Variants in MCAT observed in about 807,000 individuals in gnomAD.
The protein encoded by MCAT is malonyl-CoA-acyl carrier protein transacylase, mitochondrial.
A neutral mutation model predicts 22.9 loss-of-function variants in MCAT; 22 were observed. The observed-to-expected ratio is 0.96, with a 90% confidence interval of 0.69 to 1.37. MCAT has a LOEUF of 1.37. MCAT is among the 40% of genes most tolerant of loss of function. The probability of loss-of-function intolerance (pLI) is 0.00; values close to 1 mark genes in which losing one functional copy is unlikely to be tolerated. For synonymous variants in MCAT, 240 were observed against 233.9 expected (o/e 1.03, Z -0.24); for missense variants, 534 against 533.6 (o/e 1.00, Z -0.01).
chr22:43,132,970 G>C lies in MCAT; in HGVS notation c.*73C>G. ...CAGAGGAGGAGCCATTAGGAAGGTA[G>C]GGGGCGACAGGCACAGCCTACAGCC... is the stretch of plus-strand genomic sequence containing the variant. On this transcript the variant is annotated 3_prime_UTR_variant, in exon 4 of 4. Coordinates refer to ENST00000290429, the MANE Select transcript of MCAT (RefSeq NM_173467.5). 7.1e-7 allele frequency: 1 copy of C among 1,415,156 alleles called. No homozygotes were observed. Among genetic ancestry groups the C allele is most frequent in the Admixed American group, 2.1e-5 (1 of 48,046 alleles). 87.7% of individuals were successfully genotyped at this position (1,415,156 alleles called of 1,614,324 possible).
Position 43,132,906 on chromosome 22 carries a change from G to C in MCAT, c.*137C>G, listed in dbSNP as rs1031128095. ...ACTCATTTTTAGGGCTTTTTATGTG[G>C]CCTTCAAAGCACGTTGCAAACAAAT... On this transcript the variant is annotated 3_prime_UTR_variant, in exon 4 of 4. Coordinates refer to ENST00000290429, the MANE Select transcript of MCAT (RefSeq NM_173467.5). 2.4e-5 allele frequency: 17 copies of C among 719,344 alleles called. No individual in the cohort carries two copies. Among genetic ancestry groups the C allele is most frequent in the Non-Finnish European group, 3.7e-5 (16 of 431,868 alleles). 44.6% of individuals were successfully genotyped at this position (719,344 alleles called of 1,614,324 possible). A position where few individuals can be genotyped will look rare whatever the true frequency, so the allele number is the denominator to read the frequency against.
At chr22:43,136,227 C>G (rs144572715) in intron 3 of MCAT, among the ~76,000 whole-genome samples, 1 of 152,328 alleles carries the variant, frequency 6.6e-6, no homozygotes, top group Non-Finnish European at 1.5e-5. Context: ...CTAGGCAACA[C>G]AGTGAGACCC....
In MCAT at chr22:43,133,415, G is replaced by A. The variant is rs139431136; in HGVS notation, c.801C>T (p.Gly267=). 2.2e-5 allele frequency: 36 copies of A among 1,613,982 alleles called. No individual in the cohort carries two copies. Among genetic ancestry groups the A allele is most frequent in the Non-Finnish European group, 2.9e-5 (34 of 1,180,010 alleles). ...GCTCCATGAGGCGGGTGTGGAATGC[G>A]CCACTAACCGGCAACATCCTGGTGC... is the stretch of plus-strand genomic sequence containing the variant. The part of the protein sequence containing the change: ...FRRTRMLPVS[G]AFHTRLMEPA... Residue 267 remains glycine (G), a synonymous_variant, in exon 4 of 4, where the codon GGC becomes GGT. Transcript: ENST00000290429.
At chr22:43,139,213 C>A (rs1409277705) in intron 2 of MCAT, among the ~76,000 whole-genome samples, 1 of 152,136 alleles carries the variant, frequency 6.6e-6, no homozygotes, top group South Asian at 2.1e-4. Flanking sequence ...ACATTCAAAA[C>A]TATGTAAAAT....
Position 43,133,444 on chromosome 22 carries a change from T to A in MCAT, c.772A>T (p.Arg258Ter). 1 of 1,613,714 alleles carries A rather than the reference T, an allele frequency of 6.2e-7. No homozygotes were observed. The highest frequency in any genetic ancestry group is 2.2e-5 in the East Asian group (1 of 44,864). ...LQKNSSKFHF[R>*]RTRMLPVSGA... ...CTAACCGGCAACATCCTGGTGCGTC[T>A]GAAATGAAACTTAGAGGAATTCTTC... The change falls in exon 4 of 4, where the codon AGA becomes TGA. Residue 258 changes from arginine (R) to a stop codon, truncating the protein, a stop_gained. Coordinates refer to ENST00000290429, the MANE Select transcript of MCAT (RefSeq NM_173467.5). LOFTEE classifies it low-confidence loss of function (END_TRUNC).
chr22:43,142,350 G>A (rs1017381848), intron 1 of MCAT, among the ~76,000 whole-genome samples: 3 of 151,886 alleles, frequency 2.0e-5, no homozygotes, highest in Non-Finnish European at 4.4e-5. Context: ...AGCCGGGCGT[G>A]GTGGTGTGCA....
intron 1 of MCAT, among the ~76,000 whole-genome samples, chr22:43,142,129 G>A (rs1486982082): frequency 6.6e-6 from 1 of 152,186 alleles, no homozygotes; most frequent in East Asian, 1.9e-4. Flanking sequence ...AGGTGAAATA[G>A]GGTAAAGGAT....
chr22:43,142,380 C>T (rs1393143462), intron 1 of MCAT, among the ~76,000 whole-genome samples: 1 of 151,266 alleles, frequency 6.6e-6, no homozygotes, highest in Non-Finnish European at 1.5e-5. Context: ...CCAGCTACTG[C>T]GGAGGCTGAG....
At position 43,143,148 on chromosome 22, in the gene MCAT, G is replaced by C; in HGVS notation, c.201C>G (p.Phe67Leu). Residue 67 changes from phenylalanine (F) to leucine (L), a missense_variant, in exon 1 of 4, where the codon TTC (phenylalanine) becomes TTG (leucine). Phe to Leu is a conservative substitution (Grantham distance 22). Coordinates refer to ENST00000290429, the MANE Select transcript of MCAT (RefSeq NM_173467.5). Reference protein sequence around the residue: ...RMPGQCSVLLFPGQGSQVVGM... With the variant: ...RMPGQCSVLLLPGQGSQVVGM... ...CCACCACCTGGCTGCCCTGGCCCGGGAAGAGCAGCACGGAGCACTGGCCCG... is the reference window on the plus strand; with the variant it reads ...CCACCACCTGGCTGCCCTGGCCCGGCAAGAGCAGCACGGAGCACTGGCCCG... 1.3e-6 allele frequency: 2 copies of C among 1,590,858 alleles called. No individual in the cohort carries two copies. The highest frequency in any genetic ancestry group is 1.7e-6 in the Non-Finnish European group (2 of 1,174,156).
chr22:43,137,301 G>C lies in MCAT; in HGVS notation c.512-3C>G, dbSNP rs1264737182. The C allele has an allele frequency of 6.2e-7, 1 of 1,611,616 alleles. No individual in the cohort carries two copies. The highest frequency in any genetic ancestry group is 1.7e-5 in the Admixed American group (1 of 59,882). ...TCGGATTTTCACTGCATACAAACCT[G>C]GCCAGAGAGAAGCGCATTTGGAAAA... On this transcript the variant is annotated splice_polypyrimidine_tract_variant and splice_region_variant and intron_variant, in intron 2 of 3. Transcript: ENST00000290429.
rs753845710 is a variant in MCAT, at chr22:43,137,125, T to G, written c.685A>C (p.Asn229His). ...GIENPVCEVS[N>H]YLFPDCRVIS... ...ACCCTGCAATCTGGAAAGAGGTAGT[T>G]GGACACTTCACATACGGGGTTCTCT... is the stretch of plus-strand genomic sequence containing the variant. The change falls in exon 3 of 4, where the codon AAC (asparagine) becomes CAC (histidine). Residue 229 changes from asparagine (N) to histidine (H), a missense_variant. By Grantham distance (68) the Asn-to-His change is moderately conservative. Transcript: ENST00000290429. The G allele has an allele frequency of 1.5e-5, 24 of 1,614,036 alleles. No individual in the cohort carries two copies. The highest frequency in any genetic ancestry group is 2.0e-5 in the Non-Finnish European group (24 of 1,180,036).
intron 1 of MCAT, 46 bp from the exon 2 acceptor site, chr22:43,141,295 C>T: frequency 6.5e-7 from 1 of 1,533,532 alleles, no homozygotes. Flanking sequence ...TCCTGGGGAT[C>T]CCAGTTCCAG....
Position 43,143,373 on chromosome 22 carries a change from T to G in MCAT, c.-25A>C. On this transcript the variant is annotated 5_prime_UTR_variant, in exon 1 of 4. Coordinates refer to ENST00000290429, the MANE Select transcript of MCAT (RefSeq NM_173467.5). Reference sequence around the variant, plus strand: ...TGGTCGGACACCTGCCCGCGCGCGTTACCGTGGCGACCGAGGCCCGACTGC... The same window carrying G: ...TGGTCGGACACCTGCCCGCGCGCGTGACCGTGGCGACCGAGGCCCGACTGC... 1.5e-6 allele frequency: 2 copies of G among 1,341,768 alleles called. No homozygotes were observed. The highest frequency in any genetic ancestry group is 1.5e-5 in the African/African-American group (1 of 64,896). 83.1% of individuals were successfully genotyped at this position (1,341,768 alleles called of 1,614,324 possible).
chr22:43,138,481 A>C (rs1404426624), intron 2 of MCAT, among the ~76,000 whole-genome samples: 1 of 152,212 alleles, frequency 6.6e-6, no homozygotes, highest in African/African-American at 2.4e-5. Flanking sequence ...TCGCACCTGT[A>C]GTTCCGGCAC....
chr22:43,141,354 G>C (rs977585622), intron 1 of MCAT, 105 bp from the exon 2 acceptor site: 15 of 915,222 alleles, frequency 1.6e-5, no homozygotes, highest in Middle Eastern at 2.2e-4. Context: ...CAGTGAGCCA[G>C]GTTCTACGAA....
intron 3 of MCAT, among the ~76,000 whole-genome samples, chr22:43,135,467 G>A (rs1930576023): frequency 7.2e-6 from 1 of 138,064 alleles, no homozygotes; most frequent in African/African-American, 2.7e-5. Context: ...TCGTGCCACT[G>A]CACTCCAGCC....
chr22:43,133,081 C>T lies in MCAT; in HGVS notation c.1135G>A (p.Glu379Lys), dbSNP rs1406926982. 4.3e-6 allele frequency: 7 copies of T among 1,613,996 alleles called. No individual in the cohort carries two copies. Among genetic ancestry groups the T allele is most frequent in the African/African-American group, 2.7e-5 (2 of 74,902 alleles). ...YSAVDVLQTL[E>K]HVDLDPQEPP... ...TCCTGAGGGTCCAGGTCCACATGTT[C>T]GAGGGTCTGCAGCACATCCACGGCG... The change falls in exon 4 of 4, where the codon GAA becomes AAA. Residue 379 changes from glutamate (E) to lysine (K), a missense_variant. Coordinates refer to ENST00000290429, the MANE Select transcript of MCAT (RefSeq NM_173467.5).
chr22:43,137,250 T>C lies in MCAT; in HGVS notation c.560A>G (p.Glu187Gly). 2 of 1,614,170 alleles carry C rather than the reference T, an allele frequency of 1.2e-6. No homozygotes were observed. The highest frequency in any genetic ancestry group is 1.7e-6 in the Non-Finnish European group (2 of 1,180,036). ...AGACAGCATCCCACTGGGGACAGCTTCTGAAGCTTCCTGCATGGCCTCAGC... is the reference window on the plus strand; with the variant it reads ...AGACAGCATCCCACTGGGGACAGCTCCTGAAGCTTCCTGCATGGCCTCAGC... The part of the protein sequence containing the change: ...IRAEAMQEAS[E>G]AVPSGMLSVL... The change falls in exon 3 of 4, where the codon GAA becomes GGA. Residue 187 changes from glutamate (E) to glycine (G), a missense_variant. Coordinates refer to ENST00000290429, the MANE Select transcript of MCAT (RefSeq NM_173467.5).
In MCAT at chr22:43,142,434, C is replaced by G. The variant is rs910356332; in HGVS notation, c.423+492G>C. On this transcript the variant is annotated intron_variant, in intron 1 of 3. Transcript: ENST00000290429. The stretch of plus-strand genomic sequence containing the variant: ...CCTGGGAGGCAGAGGTTGCAGTGAG[C>G]CAAGACTGCGCCATTGCACTCCAGC... 2.6e-5 allele frequency among the ~76,000 whole-genome samples: 4 copies of G among 151,834 alleles called. No individual in the cohort carries two copies. The East Asian group carries it at 7.7e-4, about 29-fold the overall frequency.
Sources: gnomAD v4.1 joint callset for allele counts (sites outside exome capture counted in the v4.1 genomes callset) on GRCh38, gnomAD v4.1.1 for gene constraint, MANE v1.5 for transcripts, NCBI Gene and HGNC (gene_info 2026-07-23, HGNC 2026-07-21) for gene names.